SLC14A2: variants seen among roughly 807,000 people sequenced by gnomAD.
The protein encoded by SLC14A2 is urea transporter 2.
In SLC14A2, 91 loss-of-function variants were observed where a neutral mutation model predicts 104.6. The observed-to-expected ratio is 0.87, with a 90% CI of 0.73 to 1.04. SLC14A2 has a LOEUF of 1.04. SLC14A2 is among the 50% of genes least tolerant of loss of function. The pLI is 0.00. For missense variants in SLC14A2, 1,189 were observed against 1,156.0 expected, an observed-to-expected ratio of 1.03 and a Z score of -0.41; for synonymous variants, 476 against 466.4, an observed-to-expected ratio of 1.02 and a Z score of -0.27.
chr18:45,489,434 C>A (rs1466679179), intron 2 of SLC14A2, among the ~76,000 whole-genome samples: 1 of 152,088 alleles, frequency 6.6e-6, no homozygotes, highest in African/African-American at 2.4e-5. Flanking sequence ...TTGCTTGAAT[C>A]CAGGAGACAG....
chr18:45,640,781 T>C (rs1304213310), intron 7 of SLC14A2, among the ~76,000 whole-genome samples: 3 of 152,254 alleles, frequency 2.0e-5, no homozygotes, highest in Non-Finnish European at 4.4e-5. Flanking sequence ...CTCCTTCTGC[T>C]GTATCATTCC....
At chr18:45,651,135 A>T (rs1479351824) in intron 10 of SLC14A2, among the ~76,000 whole-genome samples, 1 of 152,162 alleles carries the variant, frequency 6.6e-6, no homozygotes, top group Non-Finnish European at 1.5e-5. Flanking sequence ...GTTCAACTGT[A>T]AACAGTCCTG....
At chr18:45,365,315 A>C (rs1215558640) in intron 1 of SLC14A2, among the ~76,000 whole-genome samples, 1 of 152,238 alleles carries the variant, frequency 6.6e-6, no homozygotes, top group Non-Finnish European at 1.5e-5. Context: ...GGCAATGGTC[A>C]TTATAGGAAC....
upstream of SLC14A2, among the ~76,000 whole-genome samples, chr18:45,211,003 A>G (rs1395503701): frequency 1.3e-5 from 2 of 152,202 alleles, no homozygotes; most frequent in African/African-American, 4.8e-5. Flanking sequence ...GTGAAATTTT[A>G]TTACTAAAGG....
intron 2 of SLC14A2, among the ~76,000 whole-genome samples, chr18:45,575,530 G>A (rs765793551): frequency 6.6e-6 from 1 of 151,910 alleles, no homozygotes; most frequent in Admixed American, 6.6e-5. Flanking sequence ...GGCTTCAGAA[G>A]CTCGTCTCAT....
At chr18:45,637,555 G>A (rs1175834855) in intron 6 of SLC14A2, among the ~76,000 whole-genome samples, 1 of 152,136 alleles carries the variant, frequency 6.6e-6, no homozygotes, top group Non-Finnish European at 1.5e-5. Flanking sequence ...AGATAAAGGG[G>A]CAAGATACTA....
rs796286941 is a variant in SLC14A2, at chr18:45,253,519, C to CAAA, written c.-125+40341_-125+40343dup. ...TACAACTTTAAAAGTCAAATGACTG[C>CAAA]AAAAAAAAAAAAAAATCTTAATTTG... On this transcript the variant is annotated intron_variant, in intron 1 of 20. Transcript: ENST00000586448. Among the ~76,000 whole-genome samples the CAAA allele has an allele frequency of 6.0e-3, 782 of 130,896 alleles. 4 individuals are homozygous for CAAA. Among genetic ancestry groups the CAAA allele is most frequent in the Non-Finnish European group, 9.7e-3 (583 of 60,368 alleles). The allele number at this position is 130,896 out of a possible 152,430, so 85.9% of individuals were successfully genotyped here.
chr18:45,578,182 C>T (rs1373147867), intron 2 of SLC14A2, among the ~76,000 whole-genome samples: 1 of 152,180 alleles, frequency 6.6e-6, no homozygotes, highest in African/African-American at 2.4e-5. Context: ...TCTCCAGGAG[C>T]CCCTTTCTGA....
intron 1 of SLC14A2, among the ~76,000 whole-genome samples, chr18:45,394,669 C>A (rs992508968): frequency 6.6e-6 from 1 of 152,100 alleles, no homozygotes; most frequent in Non-Finnish European, 1.5e-5. Context: ...AATGTCCATT[C>A]AAGGCTTTTG....
At chr18:45,459,916 A>G (rs185550825) in intron 1 of SLC14A2, among the ~76,000 whole-genome samples, 19 of 152,008 alleles carry the variant, frequency 1.2e-4, no homozygotes, top group Non-Finnish European at 7.4e-5. Flanking sequence ...AACATCCTCA[A>G]CCTCCCCTTT....
intron 2 of SLC14A2, among the ~76,000 whole-genome samples, chr18:45,608,205 A>AG (rs2044902414): frequency 6.6e-6 from 1 of 152,220 alleles, no homozygotes; most frequent in East Asian, 1.9e-4. Context: ...GGTGCTTTAG[A>AG]AAGATTAACC....
chr18:45,474,700 A>G (rs753282301), intron 1 of SLC14A2, among the ~76,000 whole-genome samples: 2 of 152,122 alleles, frequency 1.3e-5, no homozygotes, highest in Non-Finnish European at 2.9e-5. Flanking sequence ...AGTAGTTTGC[A>G]TTTCCGTAGG....
chr18:45,486,072 G>C (rs1359390518), intron 2 of SLC14A2, among the ~76,000 whole-genome samples: 1 of 152,166 alleles, frequency 6.6e-6, no homozygotes, highest in East Asian at 1.9e-4. Context: ...TAGACAGAAA[G>C]TGCTTTGAAA....
At chr18:45,669,228 G>A in intron 15 of SLC14A2, 78 bp from the exon 16 acceptor site, 1 of 1,206,430 alleles carries the variant, frequency 8.3e-7, no homozygotes, top group Non-Finnish European at 1.2e-6. Context: ...GAAGGCACAG[G>A]GAGCCCCCAC....
chr18:45,667,056 T>A lies in SLC14A2; in HGVS notation c.1679T>A (p.Ile560Asn). Residue 560 changes from isoleucine (I) to asparagine (N), a missense_variant, in exon 13 of 20, where the codon ATC becomes AAC. By Grantham distance (149) the Ile-to-Asn change is moderately radical. Coordinates refer to ENST00000255226, the MANE Select transcript of SLC14A2 (RefSeq NM_007163.4). Reference protein sequence around the residue: ...GKRVSKALSYITGEMKECGEG... With the variant: ...GKRVSKALSYNTGEMKECGEG... ...AGGGTCAGCAAAGCCCTCAGCTACA[T>A]CACAGGAGAGATGAAGGAGTGTGGA... 1 of 1,613,832 alleles carries A rather than the reference T, an allele frequency of 6.2e-7. No homozygotes were observed. Among genetic ancestry groups the A allele is most frequent in the South Asian group, 1.1e-5 (1 of 91,070 alleles).
chr18:45,381,638 T>C (rs997569189), intron 1 of SLC14A2, among the ~76,000 whole-genome samples: 7 of 152,200 alleles, frequency 4.6e-5, no homozygotes, highest in African/African-American at 1.4e-4. Flanking sequence ...CTCATAGGAA[T>C]AGACTGACTG....
At chr18:45,409,381 G>A (rs540368742) in intron 1 of SLC14A2, among the ~76,000 whole-genome samples, 3 of 152,110 alleles carry the variant, frequency 2.0e-5, no homozygotes, top group Non-Finnish European at 2.9e-5. Context: ...CGGCTACTCC[G>A]TCATCTCTCT....
intron 1 of SLC14A2, among the ~76,000 whole-genome samples, chr18:45,409,696 G>A (rs1468609932): frequency 1.3e-5 from 2 of 152,084 alleles, no homozygotes; most frequent in African/African-American, 4.8e-5. Flanking sequence ...AAATGAAGAA[G>A]CAAAAAGATC....
the SLC14A2 span, among the ~76,000 whole-genome samples, chr18:45,207,413 AAGAG>A: frequency 2.0e-5 from 3 of 150,404 alleles, no homozygotes; most frequent in African/African-American, 2.4e-5. Context: ...AAGAGAGAGA[AAGAG>A]AGAAAGAAAA....
Sources: gnomAD v4.1 joint callset for allele counts (sites outside exome capture counted in the v4.1 genomes callset) on GRCh38, gnomAD v4.1.1 for gene constraint, MANE v1.5 for transcripts, NCBI Gene and HGNC (gene_info 2026-07-23, HGNC 2026-07-21) for gene names.